ELMO1: variants seen among roughly 807,000 people sequenced by gnomAD.
ELMO1 encodes the protein engulfment and cell motility protein 1.
A neutral mutation model predicts 98.9 loss-of-function variants in ELMO1; 26 were observed. The observed-to-expected ratio is 0.26, with a 90% CI of 0.19 to 0.36. The LOEUF (loss-of-function observed/expected upper bound fraction) is 0.36, where lower values mean the gene tolerates loss of function less well. ELMO1 is among the 10% of genes least tolerant of loss of function. ELMO1 has a pLI of 1.00. For synonymous variants in ELMO1, 346 were observed against 346.0 expected (o/e 1.00, Z 0.00); for missense variants, 627 against 935.2 (o/e 0.67, Z 4.30).
At chr7:36,884,845 T>C (rs2129049227) in intron 18 of ELMO1, among the ~76,000 whole-genome samples, 1 of 152,372 alleles carries the variant, frequency 6.6e-6, no homozygotes, top group Non-Finnish European at 1.5e-5. Flanking sequence ...CTCATCTGTG[T>C]CCTACTCATT....
chr7:37,045,739 C>A (rs955018424), intron 15 of ELMO1, among the ~76,000 whole-genome samples: 1 of 152,086 alleles, frequency 6.6e-6, no homozygotes, highest in Non-Finnish European at 1.5e-5. Context: ...TCCCAGATTC[C>A]CTAAAATAGT....
At chr7:37,257,899 A>G (rs999112131) in intron 6 of ELMO1, among the ~76,000 whole-genome samples, 7 of 151,568 alleles carry the variant, frequency 4.6e-5, no homozygotes, top group African/African-American at 1.2e-4. Flanking sequence ...TTTGGGAGGC[A>G]GAGGCAGGCA....
intron 6 of ELMO1, among the ~76,000 whole-genome samples, chr7:37,247,146 T>C (rs1349726480): frequency 6.6e-6 from 1 of 152,210 alleles, no homozygotes; most frequent in African/African-American, 2.4e-5. Context: ...AAACATTTTA[T>C]TGGAGAATCA....
chr7:37,305,102 T>C (rs1178829252), intron 4 of ELMO1, among the ~76,000 whole-genome samples: 3 of 152,202 alleles, frequency 2.0e-5, no homozygotes, highest in Non-Finnish European at 4.4e-5. Context: ...TCTGTGATGC[T>C]GCTCCCACAG....
chr7:37,412,152 T>G (rs1160240788), intron 1 of ELMO1, among the ~76,000 whole-genome samples: 2 of 152,220 alleles, frequency 1.3e-5, no homozygotes, highest in African/African-American at 4.8e-5. Flanking sequence ...ATTCTTACAA[T>G]TATATTTTGC....
intron 4 of ELMO1, among the ~76,000 whole-genome samples, chr7:37,276,607 T>C (rs1796850438): frequency 6.6e-6 from 1 of 152,142 alleles, no homozygotes; most frequent in African/African-American, 2.4e-5. Context: ...CGAGACTCCG[T>C]CTCAAAAAAT....
chr7:36,998,515 T>A (rs1467858594), intron 16 of ELMO1, among the ~76,000 whole-genome samples: 1 of 152,186 alleles, frequency 6.6e-6, no homozygotes, highest in Non-Finnish European at 1.5e-5. Context: ...CTTAGGTGCA[T>A]TGTATACATA....
In ELMO1 at chr7:37,276,978, T is replaced by C. The variant is rs151216745; in HGVS notation, c.193-5096A>G. ...CATCTTTTTTGTTCATTGGCTGTCT[T>C]CCTCACCCCTAGGATGTCACCTCCA... On this transcript the variant is annotated intron_variant, in intron 4 of 21. Coordinates refer to ENST00000310758, the MANE Select transcript of ELMO1 (RefSeq NM_014800.11). 3.5e-3 allele frequency among the ~76,000 whole-genome samples: 532 copies of C among 152,330 alleles called. 4 individuals carry two copies. The highest frequency in any genetic ancestry group is 0.012 in the African/African-American group (485 of 41,574).
chr7:37,146,831 G>A (rs1157444600), intron 13 of ELMO1, among the ~76,000 whole-genome samples: 1 of 152,110 alleles, frequency 6.6e-6, no homozygotes, highest in Non-Finnish European at 1.5e-5. Flanking sequence ...ATACTGATGG[G>A]CTTCACACCA....
chr7:37,104,309 GAA>G (rs1054525903), intron 14 of ELMO1, among the ~76,000 whole-genome samples: 2 of 138,610 alleles, frequency 1.4e-5, no homozygotes, highest in Admixed American at 7.2e-5. Context: ...TTCTCAGAAT[GAA>G]AAAAAAAAAA....
chr7:37,294,449 C>G (rs6948332), intron 4 of ELMO1, among the ~76,000 whole-genome samples: 5,342 of 151,670 alleles, frequency 0.035, 301 homozygotes, highest in African/African-American at 0.12. Context: ...GTCAGGGTGA[C>G]GGGAATAGAA....
At chr7:36,861,558 T>C in intron 21 of ELMO1, 101 bp downstream of exon 21, 3 of 1,386,698 alleles carry the variant, frequency 2.2e-6, no homozygotes, top group Non-Finnish European at 3.0e-6. Context: ...GGTTCATCAT[T>C]TTTTCAGGCA....
At chr7:37,375,609 G>A in intron 1 of ELMO1, 1 of 1,139,806 alleles carries the variant, frequency 8.8e-7, no homozygotes, top group Non-Finnish European at 1.3e-6. Context: ...TGTCCCCCAT[G>A]CCTAAGCACC....
At chr7:37,126,828 G>A (rs1786555446) in intron 14 of ELMO1, among the ~76,000 whole-genome samples, 1 of 152,206 alleles carries the variant, frequency 6.6e-6, no homozygotes, top group South Asian at 2.1e-4. Flanking sequence ...ATGAATGAAT[G>A]AATGAATATG....
chr7:36,949,469 C>G lies in ELMO1; in HGVS notation c.1438-54452G>C, dbSNP rs77776311. On this transcript the variant is annotated intron_variant, in intron 16 of 21. Transcript: ENST00000310758. The stretch of plus-strand genomic sequence containing the variant: ...CCCTTCTCAATGTGCATGGCCACAC[C>G]CTCTCTCGGTGGCAGACATCAGACC... 9.6e-3 allele frequency among the ~76,000 whole-genome samples: 1,454 copies of G among 151,958 alleles called. 31 individuals carry two copies. The highest frequency in any genetic ancestry group is 0.033 in the African/African-American group (1,369 of 41,408).
intron 13 of ELMO1, among the ~76,000 whole-genome samples, chr7:37,194,080 C>A (rs142946252): frequency 6.6e-6 from 1 of 152,218 alleles, no homozygotes; most frequent in Non-Finnish European, 1.5e-5. Context: ...CCATGTGTCA[C>A]ACACTCGATG....
chr7:37,101,187 A>G (rs768551455), intron 14 of ELMO1, among the ~76,000 whole-genome samples: 124 of 152,342 alleles, frequency 8.1e-4, no homozygotes, highest in Middle Eastern at 3.4e-3. Context: ...TTGTTTTAGC[A>G]TGACAGGCAG....
chr7:37,121,846 A>C (rs1481843230), intron 14 of ELMO1, among the ~76,000 whole-genome samples: 1 of 152,170 alleles, frequency 6.6e-6, no homozygotes, highest in Non-Finnish European at 1.5e-5. Context: ...GATTCACCAA[A>C]GTTGAAATGA....
At chr7:37,211,591 CCT>C (rs1181125117) in intron 12 of ELMO1, 74 bp from the exon 13 acceptor site, 9 of 1,546,718 alleles carry the variant, frequency 5.8e-6, no homozygotes, top group Non-Finnish European at 7.8e-6. Flanking sequence ...ACATATACTC[CCT>C]CTTTCCCTGG....
Sources: allele counts gnomAD v4.1 joint callset (sites outside exome capture counted in the v4.1 genomes callset), GRCh38; gene constraint gnomAD v4.1.1; transcripts MANE v1.5; gene names NCBI Gene and HGNC (gene_info 2026-07-23, HGNC 2026-07-21).